GPC6: variants seen among roughly 807,000 people sequenced by gnomAD.
The protein encoded by GPC6 is glypican 6.
GPC6 carries 14 observed loss-of-function variants against 55.2 expected under a neutral mutation model. That is an observed-to-expected ratio of 0.25 (90% CI 0.17 to 0.40). The LOEUF (loss-of-function observed/expected upper bound fraction) is 0.40. Ranked by LOEUF, GPC6 falls within the 10% of genes least tolerant of loss-of-function variation. GPC6 has a pLI of 1.00. For synonymous variants in GPC6, 278 were observed against 259.6 expected, an observed-to-expected ratio of 1.07 and a Z score of -0.68; for missense variants, 641 against 708.5, an observed-to-expected ratio of 0.90 and a Z score of 1.08.
intron 1 of GPC6, among the ~76,000 whole-genome samples, chr13:93,266,402 T>A (rs1374293434): frequency 1.2e-4 from 19 of 152,174 alleles, no homozygotes; most frequent in Non-Finnish European, 2.5e-4. Flanking sequence ...AAATATTTGA[T>A]CATAGGAATC....
intron 2 of GPC6, among the ~76,000 whole-genome samples, chr13:93,755,258 C>T (rs531638108): frequency 4.3e-4 from 66 of 152,046 alleles, no homozygotes; most frequent in African/African-American, 1.5e-3. Context: ...CCCTGACACA[C>T]GGAGTGAGAT....
chr13:93,655,685 A>G (rs1880631542), intron 2 of GPC6, among the ~76,000 whole-genome samples: 1 of 152,192 alleles, frequency 6.6e-6, no homozygotes, highest in African/African-American at 2.4e-5. Context: ...GGGAGTGTGG[A>G]AAAGTACAAT....
At chr13:93,218,875 G>A in the GPC6 span, among the ~76,000 whole-genome samples, 11 of 152,186 alleles carry the variant, frequency 7.2e-5, no homozygotes, top group African/African-American at 1.7e-4. Context: ...GAGAACCTAC[G>A]TAAATAAGAA....
chr13:93,455,133 G>A, intron 1 of GPC6, among the ~76,000 whole-genome samples: 1 of 152,146 alleles, frequency 6.6e-6, no homozygotes, highest in East Asian at 1.9e-4. Flanking sequence ...GCCCGCAAGC[G>A]GCGCACGCAG....
chr13:93,995,717 T>A (rs1207529658), intron 3 of GPC6, among the ~76,000 whole-genome samples: 2 of 152,198 alleles, frequency 1.3e-5, no homozygotes, highest in Non-Finnish European at 2.9e-5. Flanking sequence ...GAATTCAAAA[T>A]ATTTTTCTCT....
At chr13:94,262,713 G>A (rs1346412391) in intron 4 of GPC6, among the ~76,000 whole-genome samples, 2 of 150,330 alleles carry the variant, frequency 1.3e-5, no homozygotes, top group East Asian at 3.9e-4. Context: ...CTGGTCTAAA[G>A]GTAAACTTGA....
chr13:93,957,302 G>A (rs1399027099), intron 3 of GPC6, among the ~76,000 whole-genome samples: 1 of 152,038 alleles, frequency 6.6e-6, no homozygotes, highest in African/African-American at 2.4e-5. Flanking sequence ...GTACAGGCTT[G>A]TTACATGGGT....
rs140303006 is a variant in GPC6 at position 94,184,764 on chromosome 13, C to T, written c.878-101585C>T. On this transcript the variant is annotated intron_variant, in intron 4 of 8. Coordinates refer to ENST00000377047, the MANE Select transcript of GPC6 (RefSeq NM_005708.5). Reference sequence around the variant, plus strand: ...CCAAAAAAATTTAAAACAGAACTACCATTTGACCCAGCAATTCAATTACTG... The same window carrying T: ...CCAAAAAAATTTAAAACAGAACTACTATTTGACCCAGCAATTCAATTACTG... Among the ~76,000 whole-genome samples the T allele has an allele frequency of 1.0e-2, 1,520 of 152,212 alleles. 15 individuals are homozygous for T. The highest frequency in any genetic ancestry group is 0.016 in the Non-Finnish European group (1,068 of 68,008).
chr13:94,364,365 G>C (rs1354383319), intron 6 of GPC6, among the ~76,000 whole-genome samples: 2 of 152,128 alleles, frequency 1.3e-5, no homozygotes, highest in African/African-American at 4.8e-5. Flanking sequence ...GGGGTAAATT[G>C]GATCTTTAAG....
intron 5 of GPC6, among the ~76,000 whole-genome samples, chr13:94,288,780 ATATATATAATAAATATATATATTTGT>A (rs1159824696): frequency 8.1e-5 from 5 of 61,898 alleles, no homozygotes; most frequent in Non-Finnish European, 1.4e-4. Context: ...TATATTTGTT[ATATATATAATAAATATATATATTTGT>A]TATATATAAT....
intron 4 of GPC6, among the ~76,000 whole-genome samples, chr13:94,029,426 G>T (rs1041560051): frequency 1.3e-5 from 2 of 152,156 alleles, no homozygotes; most frequent in African/African-American, 2.4e-5. Context: ...TGCTAAAATT[G>T]TGGAGGGGTT....
At chr13:93,574,731 T>C (rs1411967236) in intron 2 of GPC6, among the ~76,000 whole-genome samples, 2 of 152,170 alleles carry the variant, frequency 1.3e-5, no homozygotes, top group African/African-American at 4.8e-5. Context: ...CAATGCCCAT[T>C]ATACTCCACT....
chr13:94,000,018 T>C (rs1881729654), intron 3 of GPC6, among the ~76,000 whole-genome samples: 1 of 152,214 alleles, frequency 6.6e-6, no homozygotes, highest in Non-Finnish European at 1.5e-5. Flanking sequence ...AACCTGCAAA[T>C]ACTGGTGGTG....
At chr13:93,922,901 C>A (rs753481756) in intron 3 of GPC6, among the ~76,000 whole-genome samples, 12 of 152,146 alleles carry the variant, frequency 7.9e-5, no homozygotes, top group Non-Finnish European at 1.8e-4. Context: ...ACAAGACTCA[C>A]AGACACCATT....
intron 1 of GPC6, among the ~76,000 whole-genome samples, chr13:93,301,778 C>T (rs1233510387): frequency 2.6e-5 from 4 of 152,034 alleles, no homozygotes; most frequent in African/African-American, 9.7e-5. Flanking sequence ...GAGAAACATC[C>T]CAAGACATGC....
chr13:93,881,492 G>A (rs1267366912), intron 3 of GPC6, among the ~76,000 whole-genome samples: 3 of 151,952 alleles, frequency 2.0e-5, no homozygotes, highest in African/African-American at 4.8e-5. Context: ...GCCTAAAAAC[G>A]TTAGGCTTGA....
At chr13:93,556,508 T>TA (rs1875490903) in intron 2 of GPC6, among the ~76,000 whole-genome samples, 1 of 150,596 alleles carries the variant, frequency 6.6e-6, no homozygotes, top group Non-Finnish European at 1.5e-5. Context: ...GGAGTATCCA[T>TA]CCCCTCAAGC....
chr13:93,359,522 T>C (rs1404866809), intron 1 of GPC6, among the ~76,000 whole-genome samples: 1 of 152,178 alleles, frequency 6.6e-6, no homozygotes, highest in Non-Finnish European at 1.5e-5. Context: ...TTATAATAAA[T>C]ATACATATTT....
At chr13:93,832,122 A>ATAT (rs1223571882) in intron 3 of GPC6, among the ~76,000 whole-genome samples, 2 of 12,050 alleles carry the variant, frequency 1.7e-4, no homozygotes, top group East Asian at 4.7e-3. Flanking sequence ...AAAAAAAAAA[A>ATAT]ATATATATAT....
Sources: allele counts gnomAD v4.1 joint callset (sites outside exome capture counted in the v4.1 genomes callset), GRCh38; gene constraint gnomAD v4.1.1; transcripts MANE v1.5; gene names NCBI Gene and HGNC (gene_info 2026-07-23, HGNC 2026-07-21).